IL18RAP: variants seen among roughly 807,000 people sequenced by gnomAD.
IL18RAP encodes interleukin-18 receptor accessory protein.
Under a neutral mutation model 58.1 loss-of-function variants are expected in IL18RAP, and 37 were observed. The ratio of observed to expected loss-of-function variants is 0.64; its 90% CI spans 0.49 to 0.84. The LOEUF (loss-of-function observed/expected upper bound fraction) is 0.84. Among genes scored for constraint, IL18RAP ranks in the 40% least tolerant of loss-of-function variants. The pLI is 0.00. For missense variants in IL18RAP, 667 were observed against 704.8 expected, an observed-to-expected ratio of 0.95 and a Z score of 0.61; for synonymous variants, 268 against 257.5, an observed-to-expected ratio of 1.04 and a Z score of -0.39.
chr2:102,419,473 A>G (rs1454715622), upstream of IL18RAP: 1 of 152,310 alleles, frequency 6.6e-6, no homozygotes, highest in African/African-American at 2.4e-5. Context: ...ATCCCTGTTG[A>G]CACTGCTTTC....
intron 3 of IL18RAP, 110 bp from the exon 4 acceptor site, chr2:102,437,102 A>G: frequency 1.0e-6 from 1 of 958,680 alleles, no homozygotes; most frequent in East Asian, 2.6e-5. Context: ...CCCTTATCTC[A>G]GATTGACCTT....
At chr2:102,427,602 T>C (rs1306472152) in intron 3 of IL18RAP, among the ~76,000 whole-genome samples, 16 of 152,162 alleles carry the variant, frequency 1.1e-4, no homozygotes, top group Admixed American at 9.8e-4. Context: ...GAGTTCCTTA[T>C]ATATTCTTCA....
chr2:102,434,172 G>A (rs907728587), intron 3 of IL18RAP: 1 of 152,142 alleles, frequency 6.6e-6, no homozygotes, highest in Admixed American at 6.5e-5. Flanking sequence ...TCTGTATGCT[G>A]TCTAACCAGC....
At chr2:102,445,646 T>A (rs1683368806) in intron 7 of IL18RAP, among the ~76,000 whole-genome samples, 1 of 152,230 alleles carries the variant, frequency 6.6e-6, no homozygotes, top group African/African-American at 2.4e-5. Flanking sequence ...AGCTATGGGG[T>A]ATGCCCAGAA....
At chr2:102,424,952 C>A (rs1681841214) in intron 3 of IL18RAP, among the ~76,000 whole-genome samples, 1 of 152,138 alleles carries the variant, frequency 6.6e-6, no homozygotes, top group African/African-American at 2.4e-5. Flanking sequence ...GGAACAAGAG[C>A]AAGTTTCACA....
chr2:102,424,327 C>A lies in IL18RAP; in HGVS notation c.492C>A (p.Asp164Glu). ...AGTATTCCGCATCACATAAGCAAGA[C>A]CTACTTCTTGGGAGCACTGGCTCTA... The part of the protein sequence containing the change: ...SCEYSASHKQ[D>E]LLLGSTGSIS... Residue 164 changes from aspartate to glutamate, a missense_variant, in exon 3 of 10, where the codon GAC becomes GAA. Asp to Glu is a conservative substitution (Grantham distance 45). Transcript: ENST00000687160. 6.2e-7 allele frequency: 1 copy of A among 1,614,056 alleles called. No homozygotes were observed. Among genetic ancestry groups the A allele is most frequent in the Non-Finnish European group, 8.5e-7 (1 of 1,179,970 alleles).
At chr2:102,442,130 C>A (rs571399883) in intron 5 of IL18RAP, among the ~76,000 whole-genome samples, 2 of 152,236 alleles carry the variant, frequency 1.3e-5, no homozygotes, top group East Asian at 3.9e-4. Flanking sequence ...ACAACCCCTG[C>A]CCAAACAATT....
chr2:102,449,460 G>C (rs1041695409), intron 8 of IL18RAP, among the ~76,000 whole-genome samples: 1 of 152,194 alleles, frequency 6.6e-6, no homozygotes, highest in Non-Finnish European at 1.5e-5. Flanking sequence ...AGAAGAGTCA[G>C]TCAATGGGGA....
At chr2:102,448,233 G>T (rs1310687651) in intron 8 of IL18RAP, among the ~76,000 whole-genome samples, 1 of 152,210 alleles carries the variant, frequency 6.6e-6, no homozygotes, top group African/African-American at 2.4e-5. Flanking sequence ...TAGAGCTTGG[G>T]ATTTGGGCAC....
At chr2:102,434,761 G>A (rs1014808966) in intron 3 of IL18RAP, 2 of 152,214 alleles carry the variant, frequency 1.3e-5, no homozygotes, top group Admixed American at 6.5e-5. Flanking sequence ...ACTCACAATA[G>A]TGAAGATACT....
At chr2:102,443,122 C>A (rs901613276) in intron 5 of IL18RAP, 78 bp from the exon 6 acceptor site, 3 of 1,428,712 alleles carry the variant, frequency 2.1e-6, no homozygotes, top group South Asian at 1.3e-5. Flanking sequence ...CAGCTTCTGG[C>A]GACGTCTTCC....
At chr2:102,432,959 G>A (rs950985810) in intron 3 of IL18RAP, among the ~76,000 whole-genome samples, 10 of 151,702 alleles carry the variant, frequency 6.6e-5, no homozygotes, top group Admixed American at 2.6e-4. Flanking sequence ...GTAATGTAAC[G>A]GCATTTTATG....
intron 3 of IL18RAP, chr2:102,432,459 G>A (rs1573276225): frequency 6.5e-6 from 1 of 154,528 alleles, no homozygotes; most frequent in Middle Eastern, 5.2e-4. Context: ...ATCTGGCCGA[G>A]AAATACTGTT....
In IL18RAP at chr2:102,452,316, T is replaced by C. The variant is rs1053889557; in HGVS notation, c.*135T>C. On this transcript the variant is annotated 3_prime_UTR_variant, in exon 10 of 10. Transcript: ENST00000687160. ...TCCTGCCAGCACCAAGCAAGCTTGA[T>C]GGACAATGGAGTGGGATTGAGACTG... 20 of 832,942 alleles carry C rather than the reference T, an allele frequency of 2.4e-5. No individual in the cohort carries two copies. In the South Asian group the frequency reaches 3.5e-4, roughly 15 times the overall value. 51.6% of individuals were successfully genotyped at this position (832,942 alleles called of 1,614,324 possible). A position where few individuals can be genotyped will look rare whatever the true frequency, so the allele number is the denominator to read the frequency against.
At chr2:102,436,325 T>A (rs575624793) in intron 3 of IL18RAP, among the ~76,000 whole-genome samples, 4 of 152,332 alleles carry the variant, frequency 2.6e-5, no homozygotes, top group East Asian at 1.9e-4. Context: ...TGAAGTTTTA[T>A]CTTTGAATTT....
intron 3 of IL18RAP, 147 bp from the exon 4 acceptor site, chr2:102,437,065 C>T (rs1682795583): frequency 1.5e-6 from 1 of 665,298 alleles, no homozygotes; most frequent in Non-Finnish European, 2.5e-6. Flanking sequence ...AGTTTTTGAA[C>T]ACAATGTCTT....
At chr2:102,439,310 G>C (rs967977466) in intron 4 of IL18RAP, 3 of 152,312 alleles carry the variant, frequency 2.0e-5, no homozygotes, top group African/African-American at 7.2e-5. Context: ...TTGCTGATAG[G>C]GATCTGAACT....
intron 4 of IL18RAP, 86 bp downstream of exon 4, chr2:102,437,448 G>T: frequency 7.3e-7 from 1 of 1,376,254 alleles, no homozygotes; most frequent in Non-Finnish European, 1.0e-6. Flanking sequence ...TTTCCTCTTA[G>T]GGAAAGAAAA....
chr2:102,448,744 G>C (rs572148934), intron 8 of IL18RAP, among the ~76,000 whole-genome samples: 1 of 152,124 alleles, frequency 6.6e-6, no homozygotes, highest in Non-Finnish European at 1.5e-5. Flanking sequence ...AGGAATGCTT[G>C]AGCTCAGGAG....
Sources: allele counts gnomAD v4.1 joint callset (sites outside exome capture counted in the v4.1 genomes callset), GRCh38; gene constraint gnomAD v4.1.1; transcripts MANE v1.5; gene names NCBI Gene and HGNC (gene_info 2026-07-23, HGNC 2026-07-21).